Variants in DOCK2 observed in about 807,000 individuals in gnomAD.
The protein encoded by DOCK2 is dedicator of cytokinesis protein 2.
Under a neutral mutation model 248.9 loss-of-function variants are expected in DOCK2, and 87 were observed. The observed-to-expected ratio is 0.35, with a 90% CI of 0.29 to 0.42. The LOEUF (loss-of-function observed/expected upper bound fraction) is 0.42. DOCK2 is among the 10% of genes least tolerant of loss of function. The pLI, the probability that DOCK2 is intolerant of heterozygous loss-of-function variation, is 1.00. For synonymous variants in DOCK2, 805 were observed against 821.6 expected (o/e 0.98, Z 0.35); for missense variants, 1,747 against 2,300.2 (o/e 0.76, Z 4.92).
intron 44 of DOCK2, among the ~76,000 whole-genome samples, chr5:170,064,290 G>A (rs192873132): frequency 2.9e-4 from 44 of 152,098 alleles, no homozygotes; most frequent in Admixed American, 1.6e-3. Flanking sequence ...TCCAGAAACC[G>A]AAATGTGTGG....
At chr5:169,910,796 GC>G (rs1774553344) in intron 27 of DOCK2, among the ~76,000 whole-genome samples, 1 of 152,224 alleles carries the variant, frequency 6.6e-6, no homozygotes, top group Non-Finnish European at 1.5e-5. Context: ...AATGGCAGGT[GC>G]CCCTTCTGCT....
At chr5:169,713,242 C>CA (rs1761685595) in intron 17 of DOCK2, among the ~76,000 whole-genome samples, 2 of 152,190 alleles carry the variant, frequency 1.3e-5, no homozygotes, top group Non-Finnish European at 2.9e-5. Flanking sequence ...TAGTTGCAGT[C>CA]AATTTTCTTT....
chr5:170,045,810 C>T lies in DOCK2; in HGVS notation c.3877-6C>T. 6.2e-7 allele frequency: 1 copy of T among 1,614,050 alleles called. No homozygotes were observed. The highest frequency in any genetic ancestry group is 1.7e-4 in the Middle Eastern group (1 of 6,060). The stretch of plus-strand genomic sequence containing the variant: ...CCTCACCTTTGTCCCTGTGACCTTC[C>T]TGTAGATGTGGGAAGAGGCCATAAG... On this transcript the variant is annotated splice_polypyrimidine_tract_variant and splice_region_variant and intron_variant, in intron 38 of 51. Transcript: ENST00000520908.
At chr5:169,944,322 C>T (rs1024437967) in intron 27 of DOCK2, among the ~76,000 whole-genome samples, 4 of 152,198 alleles carry the variant, frequency 2.6e-5, no homozygotes, top group African/African-American at 9.7e-5. Context: ...CACCTCAGAA[C>T]AAAGCTGGCA....
chr5:169,711,264 C>T (rs558527180), intron 15 of DOCK2, among the ~76,000 whole-genome samples: 103 of 152,294 alleles, frequency 6.8e-4, no homozygotes, highest in African/African-American at 2.1e-3. Flanking sequence ...TCTCAGATTG[C>T]AGAGGAGCTG....
Position 169,687,771 on chromosome 5 carries a change from G to A in DOCK2, c.762-1481G>A, listed in dbSNP as rs115848783. The stretch of plus-strand genomic sequence containing the variant: ...GATATGAGATGGCAAAGGATCGTAC[G>A]TTAGAACCATATAGCTGGTCCTCAT... On this transcript the variant is annotated intron_variant, in intron 8 of 51. Transcript: ENST00000520908. 4.2e-3 allele frequency among the ~76,000 whole-genome samples: 633 copies of A among 152,236 alleles called. 2 individuals are homozygous for A. Among genetic ancestry groups the A allele is most frequent in the African/African-American group, 0.014 (598 of 41,550 alleles).
chr5:169,863,189 C>A (rs1418483668), intron 27 of DOCK2, among the ~76,000 whole-genome samples: 1 of 152,150 alleles, frequency 6.6e-6, no homozygotes, highest in Non-Finnish European at 1.5e-5. Flanking sequence ...GATATTTAAA[C>A]CTCAAATAGA....
chr5:169,902,722 G>T (rs1773998768), intron 27 of DOCK2, among the ~76,000 whole-genome samples: 1 of 152,142 alleles, frequency 6.6e-6, no homozygotes, highest in Non-Finnish European at 1.5e-5. Context: ...CCCTTAATCT[G>T]CAGAAAATGG....
At chr5:169,954,382 A>G (rs1776784043) in intron 27 of DOCK2, among the ~76,000 whole-genome samples, 1 of 152,250 alleles carries the variant, frequency 6.6e-6, no homozygotes, top group African/African-American at 2.4e-5. Context: ...CATTTAATTA[A>G]GCTTTTATCT....
chr5:170,007,755 C>G (rs1755100411), intron 30 of DOCK2, among the ~76,000 whole-genome samples: 1 of 152,124 alleles, frequency 6.6e-6, no homozygotes, highest in South Asian at 2.1e-4. Context: ...CAGGTACATG[C>G]AAAAATCCTT....
intron 27 of DOCK2, among the ~76,000 whole-genome samples, chr5:169,977,570 C>T (rs985720312): frequency 6.6e-6 from 1 of 152,194 alleles, no homozygotes; most frequent in African/African-American, 2.4e-5. Flanking sequence ...TGCTCGAGGT[C>T]ACAAAACTAG....
chr5:169,792,826 G>T (rs1350058308), intron 25 of DOCK2, among the ~76,000 whole-genome samples: 1 of 152,082 alleles, frequency 6.6e-6, no homozygotes, highest in Non-Finnish European at 1.5e-5. Flanking sequence ...AATTCAATTG[G>T]CCATATATGC....
intron 23 of DOCK2, among the ~76,000 whole-genome samples, chr5:169,754,646 C>A (rs1375835009): frequency 6.6e-6 from 1 of 152,112 alleles, no homozygotes; most frequent in South Asian, 2.1e-4. Flanking sequence ...CCCCACTTGC[C>A]GAGATAGAAT....
At chr5:169,881,399 T>C in intron 27 of DOCK2, 1 of 1,551,538 alleles carries the variant, frequency 6.4e-7, no homozygotes, top group Middle Eastern at 1.7e-4. Flanking sequence ...TTCTGGCAGG[T>C]ACTGCAATTG....
At chr5:170,021,712 G>A (rs1013546090) in intron 33 of DOCK2, among the ~76,000 whole-genome samples, 1 of 152,122 alleles carries the variant, frequency 6.6e-6, no homozygotes, top group African/African-American at 2.4e-5. Context: ...TGACTAATGA[G>A]GCAGATGCCC....
chr5:170,058,244 A>C (rs1054899149), intron 44 of DOCK2, among the ~76,000 whole-genome samples: 4 of 152,192 alleles, frequency 2.6e-5, no homozygotes, highest in African/African-American at 9.7e-5. Context: ...GTTGTGAGGA[A>C]ACCTTGTAAA....
intron 2 of DOCK2, among the ~76,000 whole-genome samples, chr5:169,655,518 C>T (rs976440896): frequency 2.6e-5 from 4 of 152,222 alleles, no homozygotes; most frequent in Admixed American, 6.5e-5. Context: ...ACAAAATAGA[C>T]ACTGTGCTAA....
Position 170,057,568 on chromosome 5 carries a change from G to C in DOCK2, c.4381-12G>C, listed in dbSNP as rs780511855. 1.9e-6 allele frequency: 3 copies of C among 1,612,836 alleles called. No homozygotes were observed. In the Admixed American group the frequency reaches 5.0e-5, roughly 27 times the overall value. On this transcript the variant is annotated splice_polypyrimidine_tract_variant and intron_variant, in intron 43 of 51. Transcript: ENST00000520908. ...GCTTTCCTGCCCTTGCCACCCCTCT[G>C]CCCACGGACAGTCCATGTGGATTGA...
intron 22 of DOCK2, among the ~76,000 whole-genome samples, chr5:169,744,248 C>T (rs1282138029): frequency 6.6e-6 from 1 of 152,200 alleles, no homozygotes; most frequent in African/African-American, 2.4e-5. Flanking sequence ...TGCTCTCTTT[C>T]TCGTGAAAAT....
Sources: allele counts gnomAD v4.1 joint callset (sites outside exome capture counted in the v4.1 genomes callset), GRCh38; gene constraint gnomAD v4.1.1; transcripts MANE v1.5; gene names NCBI Gene and HGNC (gene_info 2026-07-23, HGNC 2026-07-21).